PTPRD: variants seen among roughly 807,000 people sequenced by gnomAD.
PTPRD encodes the protein protein tyrosine phosphatase receptor type D, also known as receptor-type tyrosine-protein phosphatase delta.
Under a neutral mutation model 214.5 loss-of-function variants are expected in PTPRD, and 34 were observed. That is an observed-to-expected ratio of 0.16 (90% CI 0.12 to 0.21). The LOEUF is 0.21. Among genes scored for constraint, PTPRD ranks in the 10% least tolerant of loss-of-function variants. The pLI is 1.00. For missense variants in PTPRD, 2,545 were observed against 2,398.7 expected (o/e 1.06, Z -1.27); for synonymous variants, 1,128 against 845.7 (o/e 1.33, Z -5.79).
intron 9 of PTPRD, among the ~76,000 whole-genome samples, chr9:9,204,729 C>T (rs2099943807): frequency 6.6e-6 from 1 of 152,262 alleles, no homozygotes. Context: ...AGATTTTGCT[C>T]TGTACAGCCT....
At chr9:9,491,757 A>C (rs1169344981) in intron 8 of PTPRD, among the ~76,000 whole-genome samples, 1 of 152,066 alleles carries the variant, frequency 6.6e-6, no homozygotes, top group Non-Finnish European at 1.5e-5. Context: ...CAACATATCA[A>C]AACTCATGTG....
At chr9:8,543,359 A>C (rs575880491) in intron 14 of PTPRD, among the ~76,000 whole-genome samples, 2 of 152,288 alleles carry the variant, frequency 1.3e-5, no homozygotes, top group East Asian at 3.9e-4. Context: ...GACATAATCC[A>C]CCAATCCCCC....
intron 35 of PTPRD, among the ~76,000 whole-genome samples, chr9:8,430,292 C>T (rs2094955364): frequency 6.6e-6 from 1 of 151,642 alleles, no homozygotes. Context: ...TTTTTTCAGA[C>T]AGGGTCTCCC....
At chr9:8,511,572 T>C (rs2097683264) in intron 21 of PTPRD, among the ~76,000 whole-genome samples, 2 of 152,154 alleles carry the variant, frequency 1.3e-5, no homozygotes, top group African/African-American at 2.4e-5. Flanking sequence ...AATGTGAGAT[T>C]CTGGGAAAAT....
intron 30 of PTPRD, among the ~76,000 whole-genome samples, chr9:8,482,111 A>C (rs571840097): frequency 1.1e-4 from 16 of 152,286 alleles, no homozygotes; most frequent in Admixed American, 5.2e-4. Flanking sequence ...CTCTAAGCCC[A>C]CACTTCTAAC....
chr9:9,804,983 A>G (rs2099063903), intron 5 of PTPRD, among the ~76,000 whole-genome samples: 1 of 152,154 alleles, frequency 6.6e-6, no homozygotes, highest in South Asian at 2.1e-4. Flanking sequence ...AACACCTTAC[A>G]TTTGTAAAAT....
intron 3 of PTPRD, among the ~76,000 whole-genome samples, chr9:10,119,504 C>G (rs2382105): frequency 6.6e-6 from 1 of 151,534 alleles, no homozygotes; most frequent in Admixed American, 6.6e-5. Context: ...AATGTAATAT[C>G]GAATGTGTAA....
At chr9:8,902,679 T>G (rs1004712670) in intron 11 of PTPRD, among the ~76,000 whole-genome samples, 1 of 152,038 alleles carries the variant, frequency 6.6e-6, no homozygotes, top group Non-Finnish European at 1.5e-5. Context: ...GTTTGATGAT[T>G]TGTATATACT....
At chr9:9,674,384 A>T (rs2096889702) in intron 7 of PTPRD, among the ~76,000 whole-genome samples, 1 of 151,780 alleles carries the variant, frequency 6.6e-6, no homozygotes, top group Non-Finnish European at 1.5e-5. Context: ...ACAATGAAAG[A>T]TGGGAACAAC....
intron 13 of PTPRD, 122 bp downstream of exon 13, chr9:8,636,577 A>G: frequency 3.3e-6 from 4 of 1,213,716 alleles, no homozygotes; most frequent in Admixed American, 2.3e-5. Flanking sequence ...ATCACTTGCA[A>G]TGTAAGGAAT....
intron 12 of PTPRD, among the ~76,000 whole-genome samples, chr9:8,697,065 A>G (rs754476788): frequency 7.9e-5 from 12 of 152,226 alleles, no homozygotes; most frequent in Non-Finnish European, 1.2e-4. Flanking sequence ...TTTTGCTTCC[A>G]CTAAATAAGC....
chr9:10,346,018 A>C (rs1343445007), intron 2 of PTPRD, among the ~76,000 whole-genome samples: 2 of 152,148 alleles, frequency 1.3e-5, no homozygotes, highest in African/African-American at 4.8e-5. Context: ...AACCAATATC[A>C]ATCATTTAAC....
intron 9 of PTPRD, among the ~76,000 whole-genome samples, chr9:9,369,743 G>C (rs1227371919): frequency 6.6e-6 from 1 of 152,024 alleles, no homozygotes; most frequent in Non-Finnish European, 1.5e-5. Flanking sequence ...TATGGTTTTA[G>C]GTCTAACACA....
chr9:8,591,780 G>T (rs929401583), intron 14 of PTPRD, among the ~76,000 whole-genome samples: 2 of 152,116 alleles, frequency 1.3e-5, no homozygotes, highest in Admixed American at 6.6e-5. Flanking sequence ...TTCAGTTTAA[G>T]CATAGGATAC....
At chr9:10,231,989 A>AGAGAGAGAGAGTGTGTGTGTGTGTGTGT (rs1245284728) in intron 3 of PTPRD, among the ~76,000 whole-genome samples, 4 of 92,496 alleles carry the variant, frequency 4.3e-5, no homozygotes, top group African/African-American at 2.1e-4. Context: ...AGAGAGAGAG[A>AGAGAGAGAGAGTGTGTGTGTGTGTGTGT]GTGTGTGTGT....
chr9:9,997,234 C>T (rs1175242913), intron 4 of PTPRD, among the ~76,000 whole-genome samples: 3 of 150,502 alleles, frequency 2.0e-5, no homozygotes, highest in Non-Finnish European at 3.0e-5. Flanking sequence ...ACTAGGGAGA[C>T]TTAACATTTG....
chr9:9,487,142 G>A (rs1316239147), intron 8 of PTPRD, among the ~76,000 whole-genome samples: 2 of 152,058 alleles, frequency 1.3e-5, no homozygotes. Context: ...CATGTGCCAT[G>A]TTGGTGTGCT....
chr9:9,309,219 GT>G lies in PTPRD; in HGVS notation c.-203+88229del, dbSNP rs1234324969. Among the ~76,000 whole-genome samples, 26 of 142,632 alleles carry G rather than the reference GT, an allele frequency of 1.8e-4. No homozygotes were observed. In the East Asian group the frequency reaches 2.4e-3, roughly 13 times the overall value. 93.6% of individuals were successfully genotyped at this position (142,632 alleles called of 152,430 possible). ...GTTCCTGCCTGAACTGTATGTTTTT[GT>G]TTTTTTTTTTAATTTTTCTTTGCTC... On this transcript the variant is annotated intron_variant, in intron 9 of 45. Transcript: ENST00000381196.
chr9:8,875,804 T>C (rs1007784768), intron 11 of PTPRD, among the ~76,000 whole-genome samples: 1 of 152,168 alleles, frequency 6.6e-6, no homozygotes, highest in African/African-American at 2.4e-5. Flanking sequence ...CTGGCTCAGC[T>C]ACTTAACTGA....
Sources: gnomAD v4.1 joint callset for allele counts (sites outside exome capture counted in the v4.1 genomes callset) on GRCh38, gnomAD v4.1.1 for gene constraint, MANE v1.5 for transcripts, NCBI Gene and HGNC (gene_info 2026-07-23, HGNC 2026-07-21) for gene names.